ARHGEF1: variants seen among roughly 807,000 people sequenced by gnomAD.
ARHGEF1 encodes the protein Rho guanine nucleotide exchange factor 1, also known as 115 kDa guanine nucleotide exchange factor.
In ARHGEF1, 40 loss-of-function variants were observed where a neutral mutation model predicts 119.7. The ratio of observed to expected loss-of-function variants is 0.33; its 90% CI spans 0.26 to 0.44. The LOEUF is 0.44. Among genes scored for constraint, ARHGEF1 ranks in the 20% least tolerant of loss-of-function variants. The pLI is 1.00. For missense variants in ARHGEF1, 976 were observed against 1,268.3 expected, an observed-to-expected ratio of 0.77 and a Z score of 3.50; for synonymous variants, 494 against 521.0, an observed-to-expected ratio of 0.95 and a Z score of 0.71.
At chr19:41,907,519 G>A (rs782260472), downstream of ARHGEF1, 10 of 1,006,562 alleles carry the variant, frequency 9.9e-6, no homozygotes, top group South Asian at 6.8e-5. Flanking sequence ...ACTGTCTGGC[G>A]TTGACATCCT....
In ARHGEF1 at chr19:41,898,524, G is replaced by T; in HGVS notation, c.1204G>T (p.Val402Phe). Residue 402 changes from valine to phenylalanine, a missense_variant, in exon 14 of 29, where the codon GTC (valine) becomes TTC (phenylalanine). By Grantham distance (50) the Val-to-Phe change is conservative. Coordinates refer to ENST00000354532, the MANE Select transcript of ARHGEF1 (RefSeq NM_004706.4). ...PEEPPGWREL[V>F]PPDTLHSLPK... ...AGAGCCTCCCGGCTGGCGGGAACTC[G>T]TCCCCCCAGACACCCTGCACAGCCT... 6.4e-7 allele frequency: 1 copy of T among 1,563,068 alleles called. No homozygotes were observed. Among genetic ancestry groups the T allele is most frequent in the Non-Finnish European group, 8.7e-7 (1 of 1,154,104 alleles).
At position 41,916,460 on chromosome 19, in the gene ARHGEF1, GAC is replaced by G. The variant is rs1253899700; in HGVS notation, c.1866-6626_1866-6625del. On this transcript the variant is annotated intron_variant, in intron 18 of 20. Transcript: ENST00000599589. This position sits in a 1 kb window ranked among gnomAD's most constrained non-coding sequence, Gnocchi z 5.4. ...GCATAGTCACAGATGCACAGAAACA[GAC>G]ACACAGTTTTACACAAATACACACA... 7.9e-5 allele frequency among the ~76,000 whole-genome samples: 12 copies of G among 151,802 alleles called. 1 individual carries two copies. The highest frequency in any genetic ancestry group is 3.9e-4 in the Admixed American group (6 of 15,246).
intron 13 of ARHGEF1, 26 bp downstream of exon 13, chr19:41,896,508 G>A: frequency 6.6e-7 from 1 of 1,506,558 alleles, no homozygotes; most frequent in Non-Finnish European, 8.9e-7. Flanking sequence ...TGCAGGGGCG[G>A]GAGGTGTGGC....
Position 41,902,267 on chromosome 19 carries a change from C to G in ARHGEF1, c.1415-7C>G. On this transcript the variant is annotated splice_region_variant and splice_polypyrimidine_tract_variant and intron_variant, in intron 15 of 28. Coordinates refer to ENST00000354532, the MANE Select transcript of ARHGEF1 (RefSeq NM_004706.4). This position sits in a 1 kb window ranked among gnomAD's most constrained non-coding sequence, Gnocchi z 6.5. ...GGTGGAGCATCCCTTTCCTCCTGCC[C>G]CCACAGCCCTGTTCCTCGATCGCCT... 1 of 1,614,120 alleles carries G rather than the reference C, an allele frequency of 6.2e-7. No individual in the cohort carries two copies. The highest frequency in any genetic ancestry group is 8.5e-7 in the Non-Finnish European group (1 of 1,179,982).
At chr19:41,898,323 G>C in intron 13 of ARHGEF1, 119 bp from the exon 14 acceptor site, 2 of 1,467,088 alleles carry the variant, frequency 1.4e-6, no homozygotes, top group South Asian at 1.3e-5. Context: ...TCTGCTGCAC[G>C]GGCCACCCTG....
downstream of ARHGEF1, among the ~76,000 whole-genome samples, chr19:41,911,001 C>A (rs1346716190): frequency 6.6e-6 from 1 of 152,192 alleles, no homozygotes; most frequent in African/African-American, 2.4e-5. Context: ...ACACAGGACC[C>A]CAAATGCCCA....
intron 11 of ARHGEF1, 73 bp from the exon 12 acceptor site, chr19:41,895,276 T>C (rs904301142): frequency 1.3e-6 from 2 of 1,531,176 alleles, no homozygotes; most frequent in Admixed American, 1.8e-5. Flanking sequence ...CACAGCCTCT[T>C]GCATCCCCTG....
At position 41,915,819 on chromosome 19, in the gene ARHGEF1, G is replaced by A. The variant is rs533914524; in HGVS notation, c.1866-7273G>A. On this transcript the variant is annotated intron_variant, in intron 18 of 20. Transcript: ENST00000599589. The stretch of plus-strand genomic sequence containing the variant: ...GCTGATCGACTGATGGAGGGAGCGC[G>A]GCCTGCGGGGCCTGGGGCTGCAGGG... 7.2e-5 allele frequency among the ~76,000 whole-genome samples: 11 copies of A among 152,214 alleles called. No individual in the cohort carries two copies. In the South Asian group the frequency reaches 8.3e-4, roughly 11 times the overall value.
Position 41,907,170 on chromosome 19 carries a change from C to A in ARHGEF1, c.*83C>A. 6.5e-7 allele frequency: 1 copy of A among 1,530,244 alleles called. No individual in the cohort carries two copies. The allele number at this position is 1,530,244 out of a possible 1,614,324, so 94.8% of individuals were successfully genotyped here. On this transcript the variant is annotated 3_prime_UTR_variant, in exon 29 of 29. Coordinates refer to ENST00000354532, the MANE Select transcript of ARHGEF1 (RefSeq NM_004706.4). ...GGGACCACCCCCACCCACACAGCTGCCGCAGCATCTCACACCCCGAGGGCC... is the reference window on the plus strand; with the variant it reads ...GGGACCACCCCCACCCACACAGCTGACGCAGCATCTCACACCCCGAGGGCC...
In ARHGEF1 at chr19:41,906,722, G is replaced by A. The variant is rs2074704430; in HGVS notation, c.2675G>A (p.Cys892Tyr). Residue 892 changes from cysteine (C) to tyrosine (Y), a missense_variant, in exon 28 of 29, where the codon TGC becomes TAC. Cys to Tyr is a radical substitution (Grantham distance 194, BLOSUM62 -2). This residue lies in a region of ARHGEF1 where 171 missense variants were observed against 180.6 expected (regional missense o/e 0.95). Coordinates refer to ENST00000354532, the MANE Select transcript of ARHGEF1 (RefSeq NM_004706.4). The surrounding 1 kb of genome is among the most constrained non-coding windows in gnomAD (Gnocchi z 4.5). ...CACCAGGAGTTGGAGGAGGAATTTT[G>A]CCGCCTGAGACCCCTCCTGTCTCAG... ...KQLEELEEEF[C>Y]RLRPLLSQLG... 6.2e-7 allele frequency: 1 copy of A among 1,608,748 alleles called. No individual in the cohort carries two copies. Among genetic ancestry groups the A allele is most frequent in the African/African-American group, 1.3e-5 (1 of 74,464 alleles).
rs781793490 is a variant in ARHGEF1 at position 41,888,211 on chromosome 19, G to C, written c.44G>C (p.Arg15Pro). 1 of 1,614,020 alleles carries C rather than the reference G, an allele frequency of 6.2e-7. No homozygotes were observed. Among genetic ancestry groups the C allele is most frequent in the Non-Finnish European group, 8.5e-7 (1 of 1,179,970 alleles). ...CCACAGGCCTCCCCAGGCCCCTCCC[G>C]GCCTGGCCTGGTTCCCGTCAGCATC... ...ARGAASPGPS[R>P]PGLVPVSIIG... The change falls in exon 3 of 29, where the codon CGG becomes CCG. Residue 15 changes from arginine (R) to proline (P), a missense_variant. Arg to Pro is a moderately radical substitution (Grantham distance 103, BLOSUM62 -2). Coordinates refer to ENST00000354532, the MANE Select transcript of ARHGEF1 (RefSeq NM_004706.4). This position sits in a 1 kb window ranked among gnomAD's most constrained non-coding sequence, Gnocchi z 5.1.
Position 41,904,347 on chromosome 19 carries a change from C to G in ARHGEF1, c.2125C>G (p.Arg709Gly). Residue 709 changes from arginine (R) to glycine (G), a missense_variant, in exon 22 of 29, where the codon CGG becomes GGG. By Grantham distance (125) the Arg-to-Gly change is moderately radical. Around this residue, in one of 3 missense-constraint regions of ARHGEF1, gnomAD observed 286 missense variants for 506.8 expected, o/e 0.56. Coordinates refer to ENST00000354532, the MANE Select transcript of ARHGEF1 (RefSeq NM_004706.4). The surrounding 1 kb of genome is among the most constrained non-coding windows in gnomAD (Gnocchi z 8.4). ...DGKTMLRPVLRLTSAMTREVA... is the reference protein window; with the variant it reads ...DGKTMLRPVLGLTSAMTREVA... ...CAAGACCATGCTGCGGCCCGTGCTG[C>G]GGCTCACCTCCGCCATGACCCGCGA... The G allele has an allele frequency of 6.3e-7, 1 of 1,595,944 alleles. No individual in the cohort carries two copies. Among genetic ancestry groups the G allele is most frequent in the African/African-American group, 1.3e-5 (1 of 74,728 alleles).
At chr19:41,897,771 T>G (rs1351630107) in intron 13 of ARHGEF1, 2 of 565,182 alleles carry the variant, frequency 3.5e-6, no homozygotes, top group Non-Finnish European at 2.8e-6. Context: ...GTCCCTGTCC[T>G]CGTCTCTCCC....
rs782229785 is a variant in ARHGEF1 at position 41,903,793 on chromosome 19, A to C, written c.1917+9A>C. The C allele has an allele frequency of 1.9e-6, 3 of 1,612,710 alleles. No individual in the cohort carries two copies. In the South Asian group the frequency reaches 3.3e-5, roughly 18 times the overall value. The stretch of plus-strand genomic sequence containing the variant: ...TGCTGAGCGAGTTCAAGGTGTGACC[A>C]TACCCTCCTGCCTCCCCCGCCCCCC... On this transcript the variant is annotated intron_variant, in intron 20 of 28. Coordinates refer to ENST00000354532, the MANE Select transcript of ARHGEF1 (RefSeq NM_004706.4). This position sits in a 1 kb window ranked among gnomAD's most constrained non-coding sequence, Gnocchi z 4.2.
Position 41,902,191 on chromosome 19 carries a change from C to T in ARHGEF1, c.1415-83C>T. On this transcript the variant is annotated intron_variant, in intron 15 of 28. Coordinates refer to ENST00000354532, the MANE Select transcript of ARHGEF1 (RefSeq NM_004706.4). The surrounding 1 kb of genome is among the most constrained non-coding windows in gnomAD (Gnocchi z 6.5). ...GGATCAGACACAGACACACCTGCAG[C>T]CCTACCCCCACCACACCGCAGCAGG... 6.3e-7 allele frequency: 1 copy of T among 1,575,320 alleles called. No homozygotes were observed. Among genetic ancestry groups the T allele is most frequent in the Non-Finnish European group, 8.7e-7 (1 of 1,149,722 alleles).
At chr19:41,884,785 G>C (rs2074269042) in intron 1 of ARHGEF1, among the ~76,000 whole-genome samples, 1 of 152,096 alleles carries the variant, frequency 6.6e-6, no homozygotes, top group Non-Finnish European at 1.5e-5. Flanking sequence ...ATGGGTCTCG[G>C]GACCCACCAC....
At position 41,892,421 on chromosome 19, in the gene ARHGEF1, C is replaced by A. The variant is rs375429870; in HGVS notation, c.367+48C>A. On this transcript the variant is annotated intron_variant, in intron 6 of 28. Coordinates refer to ENST00000354532, the MANE Select transcript of ARHGEF1 (RefSeq NM_004706.4). This position sits in a 1 kb window ranked among gnomAD's most constrained non-coding sequence, Gnocchi z 6.3. Reference sequence around the variant, plus strand: ...GGAGAGGTGTCTAGCGGGGACCACACCTCCCAGGAGGCCAAGGGGAGGGAG... The same window carrying A: ...GGAGAGGTGTCTAGCGGGGACCACAACTCCCAGGAGGCCAAGGGGAGGGAG... 30 of 1,612,168 alleles carry A rather than the reference C, an allele frequency of 1.9e-5. No individual in the cohort carries two copies. In the African/African-American group the frequency reaches 3.3e-4, roughly 18 times the overall value.
chr19:41,917,655 C>T lies in ARHGEF1; in HGVS notation c.1866-5437C>T, dbSNP rs939838279. On this transcript the variant is annotated intron_variant, in intron 18 of 20. Transcript: ENST00000599589. This position sits in a 1 kb window ranked among gnomAD's most constrained non-coding sequence, Gnocchi z 4.8. ...CCATGCCCCAAAGCACACGCACGCA[C>T]GCACACACACACCCTGACTGCACCC... 6.6e-6 allele frequency among the ~76,000 whole-genome samples: 1 copy of T among 151,968 alleles called. No individual in the cohort carries two copies. The highest frequency in any genetic ancestry group is 2.4e-5 in the African/African-American group (1 of 41,310).
chr19:41,920,329 ACACT>A (rs2074834107), upstream of ARHGEF1, among the ~76,000 whole-genome samples: 2 of 144,578 alleles, frequency 1.4e-5, no homozygotes, highest in South Asian at 5.4e-4. Context: ...CAGACGTGAC[ACACT>A]CAGACGTGAT....
Sources: gnomAD v4.1 joint callset for allele counts (sites outside exome capture counted in the v4.1 genomes callset) on GRCh38, gnomAD v4.1.1 for gene constraint, gnomAD v4.1.1 regional missense constraint, Gnocchi (gnomAD v3.1) non-coding constraint, MANE v1.5 for transcripts, NCBI Gene and HGNC (gene_info 2026-07-23, HGNC 2026-07-21) for gene names.